The following SPOCK1 variants were observed in gnomAD, a reference collection of about 807,000 sequenced individuals.
The protein encoded by SPOCK1 is SPARC (osteonectin), cwcv and kazal like domains proteoglycan 1.
A neutral mutation model predicts 55.3 loss-of-function variants in SPOCK1; 23 were observed. The observed-to-expected ratio is 0.42, with a 90% CI of 0.30 to 0.59. The LOEUF (loss-of-function observed/expected upper bound fraction) is 0.59. Ranked by LOEUF, SPOCK1 falls within the 20% of genes least tolerant of loss-of-function variation. SPOCK1 has a pLI of 0.22. For missense variants in SPOCK1, 499 were observed against 552.5 expected (o/e 0.90, Z 0.97); for synonymous variants, 226 against 221.0 (o/e 1.02, Z -0.20).
chr5:137,140,560 C>T lies in SPOCK1; in HGVS notation c.347+20G>A, dbSNP rs1754074723. ...TGCAGAATGCCTCCCAGCCCCCAGC[C>T]CCCGGCCTTCCTGCCTTACCTGGGG... On this transcript the variant is annotated intron_variant, in intron 4 of 10. Transcript: ENST00000394945. The T allele has an allele frequency of 1.9e-6, 3 of 1,602,474 alleles. No homozygotes were observed. Among genetic ancestry groups the T allele is most frequent in the Non-Finnish European group, 1.7e-6 (2 of 1,173,712 alleles).
At chr5:137,037,928 G>A (rs1419593817) in intron 6 of SPOCK1, among the ~76,000 whole-genome samples, 7 of 152,202 alleles carry the variant, frequency 4.6e-5, no homozygotes, top group African/African-American at 1.7e-4. Context: ...GTTGGTGGCA[G>A]AGGCCATATC....
At chr5:137,196,456 C>T (rs1755300476) in intron 3 of SPOCK1, among the ~76,000 whole-genome samples, 1 of 152,222 alleles carries the variant, frequency 6.6e-6, no homozygotes, top group Non-Finnish European at 1.5e-5. Context: ...TGGCATCTCA[C>T]CAGGCTTTCC....
chr5:137,238,663 GA>G (rs1756229083), intron 3 of SPOCK1, among the ~76,000 whole-genome samples: 1 of 152,170 alleles, frequency 6.6e-6, no homozygotes. Context: ...TCATTCCAAA[GA>G]CACTGAAGAG....
At chr5:137,278,640 C>G (rs1451817583) in intron 2 of SPOCK1, among the ~76,000 whole-genome samples, 4 of 152,178 alleles carry the variant, frequency 2.6e-5, no homozygotes, top group Admixed American at 2.6e-4. Context: ...GCCTGTTACC[C>G]AACAGGCACT....
intron 2 of SPOCK1, among the ~76,000 whole-genome samples, chr5:137,495,496 CAAG>C (rs764372988): frequency 1.2e-4 from 19 of 152,216 alleles, no homozygotes; most frequent in Non-Finnish European, 1.8e-4. Flanking sequence ...AGGAGGAAGG[CAAG>C]AAGTTTTCTT....
intron 3 of SPOCK1, among the ~76,000 whole-genome samples, chr5:137,180,365 T>A (rs1376823147): frequency 1.5e-5 from 1 of 67,948 alleles, no homozygotes; most frequent in African/African-American, 6.0e-5. Context: ...ATGACTGGGG[T>A]GGGGGTGGGT....
chr5:137,065,982 A>G (rs1752499907), intron 6 of SPOCK1, among the ~76,000 whole-genome samples: 1 of 152,204 alleles, frequency 6.6e-6, no homozygotes, highest in Non-Finnish European at 1.5e-5. Flanking sequence ...CCCATCATTA[A>G]GAAACAAGGG....
intron 2 of SPOCK1, among the ~76,000 whole-genome samples, chr5:137,331,717 C>T (rs1310270798): frequency 6.6e-6 from 1 of 152,102 alleles, no homozygotes; most frequent in Admixed American, 6.6e-5. Context: ...AGAACTCACT[C>T]ATCACCGAGG....
chr5:137,372,963 C>G (rs1236546926), intron 2 of SPOCK1, among the ~76,000 whole-genome samples: 1 of 152,174 alleles, frequency 6.6e-6, no homozygotes, highest in Non-Finnish European at 1.5e-5. Flanking sequence ...TGTGTCCACC[C>G]TCATGAATGG....
chr5:137,095,108 TA>T (rs1408838464), intron 5 of SPOCK1, among the ~76,000 whole-genome samples: 2 of 152,206 alleles, frequency 1.3e-5, no homozygotes, highest in Non-Finnish European at 2.9e-5. Flanking sequence ...ATTTATCAAT[TA>T]ATTTCATCAT....
At chr5:137,444,800 C>T (rs888567172) in intron 2 of SPOCK1, among the ~76,000 whole-genome samples, 21 of 152,206 alleles carry the variant, frequency 1.4e-4, no homozygotes, top group Non-Finnish European at 2.1e-4. Context: ...GCCCTAAGGA[C>T]TGGAAAATCA....
chr5:137,168,924 T>C (rs1397600782), intron 3 of SPOCK1, among the ~76,000 whole-genome samples: 1 of 152,122 alleles, frequency 6.6e-6, no homozygotes, highest in East Asian at 1.9e-4. Context: ...TTATACACAA[T>C]AGCCAGGATT....
rs565318096 is a variant in SPOCK1 at position 137,313,909 on chromosome 5, T to C, written c.187-46854A>G. Among the ~76,000 whole-genome samples the C allele has an allele frequency of 1.1e-4, 17 of 149,286 alleles. No individual in the cohort carries two copies. The East Asian group carries it at 2.2e-3, about 19-fold the overall frequency. The stretch of plus-strand genomic sequence containing the variant: ...GAAGAGAGCAGCAGCAGAACTGACA[T>C]ACGCTCACAACAGGGAGATAAGGAG... On this transcript the variant is annotated intron_variant, in intron 2 of 10. Coordinates refer to ENST00000394945, the MANE Select transcript of SPOCK1 (RefSeq NM_004598.4).
At chr5:137,269,347 G>T (rs1756916634) in intron 2 of SPOCK1, among the ~76,000 whole-genome samples, 1 of 152,224 alleles carries the variant, frequency 6.6e-6, no homozygotes, top group Non-Finnish European at 1.5e-5. Context: ...AAAGTGGACT[G>T]CCAAAGCAAA....
chr5:137,448,934 C>G (rs1032475922), intron 2 of SPOCK1, among the ~76,000 whole-genome samples: 1 of 152,192 alleles, frequency 6.6e-6, no homozygotes, highest in Non-Finnish European at 1.5e-5. Flanking sequence ...GGAATCTGGC[C>G]TGACACCTGA....
At chr5:137,298,634 A>C (rs1325154140) in intron 2 of SPOCK1, among the ~76,000 whole-genome samples, 1 of 152,156 alleles carries the variant, frequency 6.6e-6, no homozygotes, top group East Asian at 1.9e-4. Flanking sequence ...ATTTCTTCCT[A>C]TACTTGTCTG....
intron 5 of SPOCK1, among the ~76,000 whole-genome samples, chr5:137,108,635 G>A (rs1753410178): frequency 2.6e-5 from 4 of 152,134 alleles, no homozygotes; most frequent in African/African-American, 9.7e-5. Context: ...TACAACCTTT[G>A]GTAAGATGGC....
intron 2 of SPOCK1, among the ~76,000 whole-genome samples, chr5:137,436,361 T>C (rs1752865221): frequency 6.6e-6 from 1 of 152,186 alleles, no homozygotes; most frequent in African/African-American, 2.4e-5. Context: ...TTTTTCCAAA[T>C]AGTTAACTTA....
chr5:137,211,185 G>A (rs761203887), intron 3 of SPOCK1, among the ~76,000 whole-genome samples: 17 of 152,202 alleles, frequency 1.1e-4, no homozygotes, highest in Non-Finnish European at 2.2e-4. Context: ...CAGTTCCACA[G>A]TCTAGCTCCT....
Sources: gnomAD v4.1 joint callset for allele counts (sites outside exome capture counted in the v4.1 genomes callset) on GRCh38, gnomAD v4.1.1 for gene constraint, MANE v1.5 for transcripts, NCBI Gene and HGNC (gene_info 2026-07-23, HGNC 2026-07-21) for gene names.